Variants in CSMD2 observed in about 807,000 individuals in gnomAD.
CSMD2 encodes the protein CUB and sushi domain-containing protein 2.
Under a neutral mutation model 398.5 loss-of-function variants are expected in CSMD2, and 130 were observed. The observed-to-expected ratio is 0.33, with a 90% CI of 0.28 to 0.38. CSMD2 has a LOEUF of 0.38. CSMD2 is among the 10% of genes least tolerant of loss of function. The pLI, the probability that CSMD2 is intolerant of heterozygous loss-of-function variation, is 1.00. For missense variants in CSMD2, 3,829 were observed against 4,764.9 expected, an observed-to-expected ratio of 0.80 and a Z score of 5.78; for synonymous variants, 1,828 against 1,908.5, an observed-to-expected ratio of 0.96 and a Z score of 1.10.
rs187654436 is a variant in CSMD2, at chr1:33,778,374, A to C, written c.1664-5623T>G. 3.0e-3 allele frequency among the ~76,000 whole-genome samples: 458 copies of C among 152,138 alleles called. 3 individuals are homozygous for C. The highest frequency in any genetic ancestry group is 9.6e-3 in the African/African-American group (397 of 41,500). On this transcript the variant is annotated intron_variant, in intron 12 of 70. Coordinates refer to ENST00000373381, the MANE Select transcript of CSMD2 (RefSeq NM_001281956.2). ...CTTGTAACTACCCATCTGTTCATTC[A>C]ACAAGTATTTTACTGGTTACTGTTC...
At chr1:33,830,038 A>T (rs1659329613) in intron 6 of CSMD2, among the ~76,000 whole-genome samples, 1 of 152,228 alleles carries the variant, frequency 6.6e-6, no homozygotes, top group Admixed American at 6.5e-5. Context: ...ACCACTGCTC[A>T]AGGAGGCCTG....
intron 39 of CSMD2, among the ~76,000 whole-genome samples, chr1:33,616,125 C>T (rs1230364675): frequency 1.3e-5 from 2 of 152,178 alleles, no homozygotes; most frequent in Admixed American, 1.3e-4. Flanking sequence ...AGGGGAGATG[C>T]TGTCTTTTCT....
intron 13 of CSMD2, among the ~76,000 whole-genome samples, chr1:33,756,296 A>G (rs994837216): frequency 2.0e-5 from 3 of 152,218 alleles, no homozygotes; most frequent in Non-Finnish European, 2.9e-5. Context: ...GTCTCCACCT[A>G]GCTCAAGTAT....
At chr1:33,729,318 T>C (rs1194727494) in intron 15 of CSMD2, among the ~76,000 whole-genome samples, 1 of 152,228 alleles carries the variant, frequency 6.6e-6, no homozygotes, top group Non-Finnish European at 1.5e-5. Context: ...TTCATTAGTT[T>C]GGCTAGTTAA....
At chr1:33,889,681 C>T (rs1641850246) in intron 5 of CSMD2, among the ~76,000 whole-genome samples, 1 of 151,452 alleles carries the variant, frequency 6.6e-6, no homozygotes, top group African/African-American at 2.4e-5. Context: ...GACATTGAAA[C>T]ATATTTAACG....
intron 29 of CSMD2, among the ~76,000 whole-genome samples, chr1:33,639,394 T>C (rs1642983644): frequency 6.6e-6 from 1 of 152,234 alleles, no homozygotes; most frequent in African/African-American, 2.4e-5. Context: ...TGTCAGAATG[T>C]CCTTTCTTTC....
At chr1:33,704,549 G>T (rs181964687) in intron 22 of CSMD2, among the ~76,000 whole-genome samples, 1 of 152,310 alleles carries the variant, frequency 6.6e-6, no homozygotes, top group East Asian at 1.9e-4. Context: ...TTAATCACAT[G>T]ATGTTTTGGG....
chr1:33,563,531 T>C (rs1400203670), intron 53 of CSMD2, among the ~76,000 whole-genome samples: 1 of 152,132 alleles, frequency 6.6e-6, no homozygotes, highest in Non-Finnish European at 1.5e-5. Flanking sequence ...AGCTAACAAT[T>C]GTTGGGGCTC....
intron 2 of CSMD2, among the ~76,000 whole-genome samples, chr1:34,087,029 T>G (rs1433453654): frequency 2.0e-5 from 3 of 152,112 alleles, no homozygotes; most frequent in Non-Finnish European, 4.4e-5. Flanking sequence ...TGATCTAGAA[T>G]GAGGATTCCA....
chr1:33,550,559 T>A (rs966390102), intron 55 of CSMD2, among the ~76,000 whole-genome samples: 1 of 152,246 alleles, frequency 6.6e-6, no homozygotes, highest in Non-Finnish European at 1.5e-5. Context: ...AAATGAGGAA[T>A]AATACCTTCT....
At chr1:33,788,170 T>C (rs1653762527) in intron 12 of CSMD2, among the ~76,000 whole-genome samples, 1 of 151,572 alleles carries the variant, frequency 6.6e-6, no homozygotes, top group Non-Finnish European at 1.5e-5. Context: ...CTCAGAGAAG[T>C]GGAATAACAT....
At chr1:33,561,963 T>C (rs924046436) in intron 53 of CSMD2, among the ~76,000 whole-genome samples, 14 of 151,884 alleles carry the variant, frequency 9.2e-5, no homozygotes, top group African/African-American at 3.4e-4. Context: ...GAGAGAAGAA[T>C]GTTGAGGATT....
rs1319563855 is a variant in CSMD2 at position 33,622,288 on chromosome 1, A to G, written c.5723-17T>C. The G allele has an allele frequency of 1.3e-6, 2 of 1,596,456 alleles. No individual in the cohort carries two copies. Among genetic ancestry groups the G allele is most frequent in the Non-Finnish European group, 1.7e-6 (2 of 1,164,104 alleles). ...CGGTTGTTCCTAGGGCAAGGACACC[A>G]GGGAAAACCATTTAAGTTTGGCTCC... On this transcript the variant is annotated splice_polypyrimidine_tract_variant and intron_variant, in intron 36 of 70. Transcript: ENST00000373381.
intron 5 of CSMD2, among the ~76,000 whole-genome samples, chr1:33,890,549 T>A (rs1641934967): frequency 6.6e-6 from 1 of 151,942 alleles, no homozygotes; most frequent in Non-Finnish European, 1.5e-5. Context: ...AAAATTAAAT[T>A]TTTTTTTGTG....
At chr1:33,793,240 G>C (rs917630172) in intron 10 of CSMD2, among the ~76,000 whole-genome samples, 9 of 152,196 alleles carry the variant, frequency 5.9e-5, no homozygotes, top group African/African-American at 2.2e-4. Context: ...GCTGGAGTCA[G>C]GGGCAGGTGC....
At position 33,555,917 on chromosome 1, in the gene CSMD2, C is replaced by T. The variant is rs144558444; in HGVS notation, c.8743+1817G>A. On this transcript the variant is annotated intron_variant, in intron 55 of 70. Transcript: ENST00000373381. ...TATGCCTCTATATTAATATATATAC[C>T]TATTAGTAATATCAACAGCAACATT... is the stretch of plus-strand genomic sequence containing the variant. Among the ~76,000 whole-genome samples the T allele has an allele frequency of 3.2e-3, 482 of 152,068 alleles. 6 individuals are homozygous for T. The highest frequency in any genetic ancestry group is 0.01 in the African/African-American group (434 of 41,460).
At chr1:33,964,419 G>A (rs1011348459) in intron 3 of CSMD2, among the ~76,000 whole-genome samples, 1 of 152,206 alleles carries the variant, frequency 6.6e-6, no homozygotes, top group Non-Finnish European at 1.5e-5. Context: ...CTAGTCCCCA[G>A]TAAAACGTGC....
At chr1:34,142,763 A>AT (rs1162040352) in intron 1 of CSMD2, among the ~76,000 whole-genome samples, 3 of 152,202 alleles carry the variant, frequency 2.0e-5, no homozygotes, top group Non-Finnish European at 4.4e-5. Flanking sequence ...CAAGATGGGG[A>AT]TAATAATGCC....
chr1:34,113,020 T>C (rs1036661480), intron 1 of CSMD2: 2 of 152,274 alleles, frequency 1.3e-5, no homozygotes, highest in African/African-American at 4.8e-5. Context: ...TCAGGCCTTG[T>C]TAGTACTTGG....
Sources: allele counts gnomAD v4.1 joint callset (sites outside exome capture counted in the v4.1 genomes callset), GRCh38; gene constraint gnomAD v4.1.1; transcripts MANE v1.5; gene names NCBI Gene and HGNC (gene_info 2026-07-23, HGNC 2026-07-21).